The following NOS3 variants were observed in gnomAD, a reference collection of about 807,000 sequenced individuals.
NOS3 encodes nitric oxide synthase 3.
A neutral mutation model predicts 144.9 loss-of-function variants in NOS3; 98 were observed. That is an observed-to-expected ratio of 0.68 (90% confidence interval 0.57 to 0.80). The LOEUF (loss-of-function observed/expected upper bound fraction) is 0.80, where lower values mean the gene tolerates loss of function less well. Among genes scored for constraint, NOS3 ranks in the 30% least tolerant of loss-of-function variants. The pLI is 0.00. For synonymous variants in NOS3, 714 were observed against 702.4 expected (o/e 1.02, Z -0.26); for missense variants, 1,465 against 1,656.4 (o/e 0.88, Z 2.01).
At position 151,014,032 on chromosome 7, in the gene NOS3, A is replaced by G. The variant is rs888441937; in HGVS notation, c.3475A>G (p.Ile1159Val). Residue 1159 changes from isoleucine to valine, a missense_variant, in exon 27 of 27, where the codon ATT (isoleucine) becomes GTT (valine). Physicochemically the swap from Ile to Val is conservative, Grantham distance 29. This residue lies in a region of NOS3 where 228 missense variants were observed against 227.7 expected (regional missense o/e 1.00). Coordinates refer to ENST00000297494, the MANE Select transcript of NOS3 (RefSeq NM_000603.5). ...LRDQQRYHED[I>V]FGLTLRTQEV... The stretch of plus-strand genomic sequence containing the variant: ...GGATCAGCAACGCTACCACGAAGAC[A>G]TTTTCGGGCTCACGCTGCGCACCCA... 6.2e-7 allele frequency: 1 copy of G among 1,613,358 alleles called. No individual in the cohort carries two copies. The highest frequency in any genetic ancestry group is 2.2e-5 in the East Asian group (1 of 44,866).
rs770993759 is a variant in NOS3 at position 150,998,310 on chromosome 7, C to T, written c.583-47C>T. 17 of 1,554,024 alleles carry T rather than the reference C, an allele frequency of 1.1e-5. No homozygotes were observed. The highest frequency in any genetic ancestry group is 1.5e-5 in the Non-Finnish European group (17 of 1,137,076). On this transcript the variant is annotated intron_variant, in intron 5 of 26. Transcript: ENST00000297494. The surrounding 1 kb of genome is among the most constrained non-coding windows in gnomAD (Gnocchi z 5.0). ...CCTCTGGAGCTGATACTCAAGACCCCCCGTCTCTCTCCTCACCCTCCTCTC... is the reference window on the plus strand; with the variant it reads ...CCTCTGGAGCTGATACTCAAGACCCTCCGTCTCTCTCCTCACCCTCCTCTC...
At chr7:150,995,346 C>A (rs763625041) in intron 3 of NOS3, 32 bp downstream of exon 3, 3 of 1,496,784 alleles carry the variant, frequency 2.0e-6, no homozygotes, top group South Asian at 1.1e-5. Flanking sequence ...CCCATCGTCT[C>A]CAGGGAAAGG....
chr7:150,998,692 G>C lies in NOS3; in HGVS notation c.816+12G>C, dbSNP rs1802494220. 6.2e-7 allele frequency: 1 copy of C among 1,600,034 alleles called. No homozygotes were observed. Among genetic ancestry groups the C allele is most frequent in the African/African-American group, 1.3e-5 (1 of 74,818 alleles). ...TGGAGATCACCGAGGTGGGCACCGA[G>C]GGCCACCCATGAGGGTGTCCCCAAG... is the stretch of plus-strand genomic sequence containing the variant. On this transcript the variant is annotated intron_variant, in intron 7 of 26. Coordinates refer to ENST00000297494, the MANE Select transcript of NOS3 (RefSeq NM_000603.5). This position sits in a 1 kb window ranked among gnomAD's most constrained non-coding sequence, Gnocchi z 5.0.
chr7:150,997,014 G>T, intron 5 of NOS3, 89 bp downstream of exon 5: 2 of 1,424,984 alleles, frequency 1.4e-6, no homozygotes, highest in Non-Finnish European at 1.9e-6. Context: ...CGGGGGCTGG[G>T]AGGTCCCAAA....
intron 23 of NOS3, among the ~76,000 whole-genome samples, chr7:151,011,261 C>T (rs1350068889): frequency 6.6e-6 from 1 of 152,026 alleles, no homozygotes; most frequent in Non-Finnish European, 1.5e-5. Context: ...CTGTGTTCCT[C>T]TCTATGTCCC....
intron 2 of NOS3, 112 bp from the exon 3 acceptor site, chr7:150,995,091 G>A (rs948143344): frequency 1.5e-4 from 87 of 595,940 alleles, no homozygotes; most frequent in African/African-American, 1.4e-3. Context: ...GAAGGCATGC[G>A]GCAGGTGGGC....
rs767053191 is a variant in NOS3 at position 151,001,964 on chromosome 7, G to A, written c.1646G>A (p.Arg549Gln). The change falls in exon 13 of 27, where the codon CGG becomes CAG. Residue 549 changes from arginine (R) to glutamine (Q), a missense_variant and splice_region_variant. Physicochemically the swap from Arg to Gln is conservative, Grantham distance 43 (BLOSUM62 1). This residue lies in a region of NOS3 where 745 missense variants were observed against 853.9 expected (regional missense o/e 0.87). Transcript: ENST00000297494. ...CTCTTCCGGAAGGCTTTTGATCCCC[G>A]GGTAGGGCTGAGCCCAGGGGAGCAG... ...GRLFRKAFDPRVLCMDEYDVV... is the reference protein window; with the variant it reads ...GRLFRKAFDPQVLCMDEYDVV... The A allele has an allele frequency of 6.8e-6, 11 of 1,613,212 alleles. No individual in the cohort carries two copies. Among genetic ancestry groups the A allele is most frequent in the East Asian group, 2.2e-5 (1 of 44,884 alleles).
chr7:151,006,824 G>A (rs1795212947), intron 15 of NOS3, 65 bp from the exon 16 acceptor site: 1 of 1,292,242 alleles, frequency 7.7e-7, no homozygotes, highest in African/African-American at 1.5e-5. Flanking sequence ...CCCTGGGGCT[G>A]GGGCTGGGCC....
chr7:151,011,504 C>T (rs1330083411), intron 23 of NOS3, among the ~76,000 whole-genome samples: 3 of 142,872 alleles, frequency 2.1e-5, no homozygotes, highest in Non-Finnish European at 4.6e-5. Flanking sequence ...CTCCGCCTCC[C>T]GGGTTCAAGA....
rs1433210999 is a variant in NOS3, at chr7:151,002,207, G to A, written c.1655G>A (p.Cys552Tyr). 1 of 1,592,306 alleles carries A rather than the reference G, an allele frequency of 6.3e-7. No homozygotes were observed. Among genetic ancestry groups the A allele is most frequent in the African/African-American group, 1.3e-5 (1 of 74,764 alleles). ...CTGTCTTCCCACCCACAGGTCCTGT[G>A]TATGGATGAGTATGACGTGGTGTCC... ...FRKAFDPRVL[C>Y]MDEYDVVSLE... The change falls in exon 14 of 27, where the codon TGT (cysteine) becomes TAT (tyrosine). Residue 552 changes from cysteine (C) to tyrosine (Y), a missense_variant. Physicochemically the swap from Cys to Tyr is radical, Grantham distance 194. This residue lies in a region of NOS3 where 745 missense variants were observed against 853.9 expected (regional missense o/e 0.87). Transcript: ENST00000297494. The surrounding 1 kb of genome is among the most constrained non-coding windows in gnomAD (Gnocchi z 4.1).
At chr7:151,012,800 C>T (rs981957245) in intron 24 of NOS3, 9 of 343,302 alleles carry the variant, frequency 2.6e-5, no homozygotes, top group African/African-American at 1.7e-4. Flanking sequence ...GAGGTCTGTC[C>T]AAGACCTAAG....
chr7:151,012,753 T>C (rs1307022757), intron 24 of NOS3: 2 of 372,136 alleles, frequency 5.4e-6, no homozygotes, highest in Admixed American at 7.9e-5. Flanking sequence ...AAAGAAGAAC[T>C]GCCCAAGGTG....
chr7:151,003,450 T>G lies in NOS3; in HGVS notation c.1752+1146T>G, dbSNP rs1795157317. ...CCTCAGTATCTTAAGCAAGTTGGAA[T>G]CTCGTGAAACCCTTTTTGCTGCCTT... On this transcript the variant is annotated intron_variant, in intron 14 of 26. Coordinates refer to ENST00000297494, the MANE Select transcript of NOS3 (RefSeq NM_000603.5). This position sits in a 1 kb window ranked among gnomAD's most constrained non-coding sequence, Gnocchi z 4.1. 1 of 1,216,168 alleles carries G rather than the reference T, an allele frequency of 8.2e-7. No individual in the cohort carries two copies. The highest frequency in any genetic ancestry group is 1.6e-5 in the African/African-American group (1 of 63,548). 75.3% of individuals were successfully genotyped at this position (1,216,168 alleles called of 1,614,324 possible).
In NOS3 at chr7:150,999,354, A is replaced by G. The variant is rs1265731365; in HGVS notation, c.1121A>G (p.Asn374Ser). ...TRNLCDPHRYNILEDVAVCMD... is the reference protein window; with the variant it reads ...TRNLCDPHRYSILEDVAVCMD... ...AACCTGTGTGACCCTCACCGCTACA[A>G]CATCCTGGAGGTGAGGTGCGGGATG... Residue 374 changes from asparagine to serine, a missense_variant, in exon 9 of 27, where the codon AAC becomes AGC. Physicochemically the swap from Asn to Ser is conservative, Grantham distance 46 (BLOSUM62 1). Around this residue, in one of 5 missense-constraint regions of NOS3, gnomAD observed 745 missense variants for 853.9 expected, o/e 0.87. Transcript: ENST00000297494. 4.4e-6 allele frequency: 7 copies of G among 1,580,678 alleles called. No individual in the cohort carries two copies. Among genetic ancestry groups the G allele is most frequent in the Admixed American group, 3.6e-5 (2 of 55,874 alleles).
chr7:151,013,957 C>G, intron 26 of NOS3, 39 bp downstream of exon 26: 1 of 1,604,914 alleles, frequency 6.2e-7, no homozygotes, highest in Non-Finnish European at 8.5e-7. Context: ...TGCGGGGTTC[C>G]TGCTAAGGTC....
Position 150,993,634 on chromosome 7 carries a change from A to T in NOS3, c.-51-119A>T. On this transcript the variant is annotated intron_variant, in intron 1 of 26. Coordinates refer to ENST00000297494, the MANE Select transcript of NOS3 (RefSeq NM_000603.5). The surrounding 1 kb of genome is among the most constrained non-coding windows in gnomAD (Gnocchi z 4.0). Reference sequence around the variant, plus strand: ...AGCGGGCGTGGAGCTGAGGCTTTAGAGCCTCCCAGCCGGGCTTGTTCCTGT... The same window carrying T: ...AGCGGGCGTGGAGCTGAGGCTTTAGTGCCTCCCAGCCGGGCTTGTTCCTGT... The T allele has an allele frequency of 1.6e-6, 1 of 644,768 alleles. No individual in the cohort carries two copies. The highest frequency in any genetic ancestry group is 2.6e-6 in the Non-Finnish European group (1 of 390,252). 39.9% of individuals were successfully genotyped at this position (644,768 alleles called of 1,614,324 possible).
chr7:151,009,750 C>T (rs765840553), intron 20 of NOS3, among the ~76,000 whole-genome samples, 165 bp downstream of exon 20: 1 of 152,180 alleles, frequency 6.6e-6, no homozygotes, highest in African/African-American at 2.4e-5. Flanking sequence ...GCCGGGCTGG[C>T]CTTGTTGCTG....
intron 3 of NOS3, 31 bp downstream of exon 3, chr7:150,995,345 T>C: frequency 6.6e-7 from 1 of 1,506,384 alleles, no homozygotes; most frequent in Non-Finnish European, 9.2e-7. Context: ...CCCCATCGTC[T>C]CCAGGGAAAG....
At chr7:150,996,661 G>T in intron 4 of NOS3, 102 bp from the exon 5 acceptor site, 1 of 1,470,218 alleles carries the variant, frequency 6.8e-7, no homozygotes. Flanking sequence ...CACCACGTGG[G>T]CCCCTCCCGC....
Sources: gnomAD v4.1 joint callset for allele counts (sites outside exome capture counted in the v4.1 genomes callset) on GRCh38, gnomAD v4.1.1 for gene constraint, gnomAD v4.1.1 regional missense constraint, Gnocchi (gnomAD v3.1) non-coding constraint, MANE v1.5 for transcripts, NCBI Gene and HGNC (gene_info 2026-07-23, HGNC 2026-07-21) for gene names.